Variants in KHDRBS2 observed in about 807,000 individuals in gnomAD.
KHDRBS2 encodes KH domain-containing, RNA-binding, signal transduction-associated protein 2.
KHDRBS2 carries 26 observed loss-of-function variants against 44.3 expected under a neutral mutation model. The observed-to-expected ratio is 0.59, with a 90% confidence interval of 0.43 to 0.81. The LOEUF (loss-of-function observed/expected upper bound fraction) is 0.81, where lower values mean the gene tolerates loss of function less well. Ranked by LOEUF, KHDRBS2 falls within the 40% of genes least tolerant of loss-of-function variation. KHDRBS2 has a pLI of 0.00. For synonymous variants in KHDRBS2, 194 were observed against 151.1 expected, an observed-to-expected ratio of 1.28 and a Z score of -2.08; for missense variants, 476 against 433.1, an observed-to-expected ratio of 1.10 and a Z score of -0.88.
intron 6 of KHDRBS2, among the ~76,000 whole-genome samples, chr6:61,818,852 C>A (rs1458898482): frequency 6.6e-6 from 1 of 151,814 alleles, no homozygotes; most frequent in Non-Finnish European, 1.5e-5. Context: ...CAATGTTTTT[C>A]CTTGTTACTT....
At chr6:62,260,048 C>CTAGGCTT (rs1379732745) in intron 1 of KHDRBS2, among the ~76,000 whole-genome samples, 1 of 151,890 alleles carries the variant, frequency 6.6e-6, no homozygotes, top group African/African-American at 2.4e-5. Flanking sequence ...TACATAGAAC[C>CTAGGCTT]TAGGCTTTGC....
the KHDRBS2 span, among the ~76,000 whole-genome samples, chr6:61,545,712 A>T: frequency 6.6e-6 from 1 of 152,004 alleles, no homozygotes; most frequent in African/African-American, 2.4e-5. Flanking sequence ...AAAATTTACT[A>T]TGTTGAAGCT....
intron 6 of KHDRBS2, among the ~76,000 whole-genome samples, chr6:61,805,786 T>C (rs1715026): frequency 0.28 from 42,978 of 152,092 alleles, 6,275 homozygotes; most frequent in South Asian, 0.36. Flanking sequence ...ACAACCTCTA[T>C]GATCTAATCA....
At chr6:61,797,864 T>C (rs1334235593) in intron 6 of KHDRBS2, among the ~76,000 whole-genome samples, 1 of 151,960 alleles carries the variant, frequency 6.6e-6, no homozygotes, top group Admixed American at 6.6e-5. Context: ...TTTATTTTCC[T>C]TTTCTCAACT....
intron 3 of KHDRBS2, among the ~76,000 whole-genome samples, chr6:62,038,109 C>A (rs1785678227): frequency 6.6e-6 from 1 of 151,942 alleles, no homozygotes; most frequent in Non-Finnish European, 1.5e-5. Flanking sequence ...TGATCAGCAT[C>A]CCCGGAAGTG....
At chr6:61,577,373 C>T in the KHDRBS2 span, among the ~76,000 whole-genome samples, 2 of 152,080 alleles carry the variant, frequency 1.3e-5, no homozygotes, top group Admixed American at 1.3e-4. Context: ...GGAGGAAACA[C>T]AGATTCATAG....
chr6:62,079,289 T>A (rs1447404770), intron 2 of KHDRBS2, among the ~76,000 whole-genome samples: 1 of 152,048 alleles, frequency 6.6e-6, no homozygotes. Flanking sequence ...TACATGTTAA[T>A]CTTTCTTGTG....
chr6:61,690,044 A>G (rs1254823702), intron 8 of KHDRBS2, among the ~76,000 whole-genome samples: 3 of 152,008 alleles, frequency 2.0e-5, no homozygotes. Context: ...ATAAATTATG[A>G]TGCTTGATAA....
intron 2 of KHDRBS2, among the ~76,000 whole-genome samples, chr6:62,106,810 T>G (rs1017281990): frequency 1.7e-4 from 26 of 152,172 alleles, no homozygotes; most frequent in African/African-American, 5.1e-4. Flanking sequence ...ATAAATGTAA[T>G]CCAGCATATA....
At chr6:61,769,028 CT>C (rs1291808938) in intron 6 of KHDRBS2, among the ~76,000 whole-genome samples, 1 of 152,006 alleles carries the variant, frequency 6.6e-6, no homozygotes, top group African/African-American at 2.4e-5. Context: ...TATTCAATGT[CT>C]TTAGTATATT....
At chr6:62,232,646 T>A (rs1416787117) in intron 1 of KHDRBS2, among the ~76,000 whole-genome samples, 9 of 152,126 alleles carry the variant, frequency 5.9e-5, no homozygotes, top group Admixed American at 5.9e-4. Flanking sequence ...GACTGTGTTG[T>A]GCCTAATACT....
the KHDRBS2 span, among the ~76,000 whole-genome samples, chr6:61,665,558 T>C: frequency 6.6e-6 from 1 of 151,274 alleles, no homozygotes; most frequent in African/African-American, 2.4e-5. Context: ...GTGTAATCAA[T>C]AAAATTAGAA....
intron 5 of KHDRBS2, among the ~76,000 whole-genome samples, chr6:61,897,229 T>A (rs1803078316): frequency 6.6e-6 from 1 of 152,128 alleles, no homozygotes; most frequent in South Asian, 2.1e-4. Context: ...AACCACAATC[T>A]CTGGAGACAG....
At chr6:62,096,132 G>C (rs1332588405) in intron 2 of KHDRBS2, among the ~76,000 whole-genome samples, 1 of 151,758 alleles carries the variant, frequency 6.6e-6, no homozygotes, top group African/African-American at 2.4e-5. Context: ...TATTTTGGTG[G>C]GGATTTTTTG....
intron 6 of KHDRBS2, among the ~76,000 whole-genome samples, chr6:61,862,965 A>T (rs1583221147): frequency 6.6e-6 from 1 of 151,500 alleles, no homozygotes; most frequent in East Asian, 2.0e-4. Context: ...CAATTTCAAA[A>T]CTCATTATTG....
At chr6:62,273,303 T>C (rs1446952104) in intron 1 of KHDRBS2, among the ~76,000 whole-genome samples, 3 of 152,198 alleles carry the variant, frequency 2.0e-5, no homozygotes, top group African/African-American at 7.2e-5. Flanking sequence ...CCTTCTCTCA[T>C]AGCCTCACTT....
At chr6:61,822,219 C>T (rs1790029035) in intron 6 of KHDRBS2, among the ~76,000 whole-genome samples, 2 of 151,972 alleles carry the variant, frequency 1.3e-5, no homozygotes, top group South Asian at 2.1e-4. Context: ...ATCAGTCTAT[C>T]GAAAACGAAG....
intron 4 of KHDRBS2, among the ~76,000 whole-genome samples, chr6:61,936,388 T>G (rs1180683701): frequency 6.6e-6 from 1 of 152,048 alleles, no homozygotes; most frequent in Non-Finnish European, 1.5e-5. Flanking sequence ...TTCTCTCTCC[T>G]CCTGAATAGG....
intron 3 of KHDRBS2, among the ~76,000 whole-genome samples, chr6:62,035,903 A>G (rs897133125): frequency 3.3e-5 from 5 of 152,192 alleles, no homozygotes; most frequent in African/African-American, 1.2e-4. Context: ...TTACAACTTA[A>G]TAATTTATAG....
Sources: gnomAD v4.1 joint callset for allele counts (sites outside exome capture counted in the v4.1 genomes callset) on GRCh38, gnomAD v4.1.1 for gene constraint, MANE v1.5 for transcripts, NCBI Gene and HGNC (gene_info 2026-07-23, HGNC 2026-07-21) for gene names.